Variants in RNGTT observed in about 807,000 individuals in gnomAD.
RNGTT encodes the protein mRNA-capping enzyme.
In RNGTT, 33 loss-of-function variants were observed where a neutral mutation model predicts 79.3. That is an observed-to-expected ratio of 0.42 (90% confidence interval 0.32 to 0.56). RNGTT has a LOEUF of 0.56. RNGTT is among the 20% of genes least tolerant of loss of function. The pLI, the probability that RNGTT is intolerant of heterozygous loss-of-function variation, is 0.17. For synonymous variants in RNGTT, 222 were observed against 235.9 expected, an observed-to-expected ratio of 0.94 and a Z score of 0.54; for missense variants, 497 against 739.1, an observed-to-expected ratio of 0.67 and a Z score of 3.80.
At chr6:88,615,411 C>T (rs578081187) in intron 14 of RNGTT, among the ~76,000 whole-genome samples, 5 of 152,260 alleles carry the variant, frequency 3.3e-5, no homozygotes, top group African/African-American at 9.6e-5. Context: ...AACTATATTC[C>T]TTTCCCTTTA....
At chr6:88,656,569 C>T (rs551134860) in intron 14 of RNGTT, among the ~76,000 whole-genome samples, 155 of 152,114 alleles carry the variant, frequency 1.0e-3, no homozygotes, top group African/African-American at 3.5e-3. Context: ...TCCTTGAATG[C>T]ACTCCAGTGG....
At chr6:88,699,457 A>G (rs1775870262) in intron 13 of RNGTT, among the ~76,000 whole-genome samples, 1 of 152,156 alleles carries the variant, frequency 6.6e-6, no homozygotes, top group African/African-American at 2.4e-5. Context: ...GGCTGAATTA[A>G]GAAGATTGCT....
intron 8 of RNGTT, among the ~76,000 whole-genome samples, chr6:88,886,516 G>GT (rs1782868352): frequency 6.6e-6 from 1 of 152,156 alleles, no homozygotes; most frequent in Non-Finnish European, 1.5e-5. Context: ...GAGGAATCTG[G>GT]TTAAGGGCAC....
chr6:88,768,950 A>C (rs1353412402), intron 13 of RNGTT, among the ~76,000 whole-genome samples: 1 of 152,230 alleles, frequency 6.6e-6, no homozygotes, highest in African/African-American at 2.4e-5. Flanking sequence ...CTTACCCTAC[A>C]AAAGTATAGA....
intron 13 of RNGTT, among the ~76,000 whole-genome samples, chr6:88,722,915 G>T (rs908835888): frequency 5.9e-5 from 9 of 151,994 alleles, no homozygotes; most frequent in Admixed American, 4.6e-4. Flanking sequence ...AAACCTACTG[G>T]GCTGCCAGCT....
intron 14 of RNGTT, among the ~76,000 whole-genome samples, chr6:88,644,174 C>G (rs907647367): frequency 2.0e-5 from 3 of 152,154 alleles, no homozygotes. Context: ...GGGGATATCA[C>G]CACCGATCCC....
intron 13 of RNGTT, among the ~76,000 whole-genome samples, chr6:88,714,857 T>A (rs56054675): frequency 0.12 from 18,003 of 152,106 alleles, 1,182 homozygotes; most frequent in Middle Eastern, 0.23. Flanking sequence ...ACAGCCAATA[T>A]CATACTGAAT....
At chr6:88,783,233 T>C (rs1779121580) in intron 12 of RNGTT, among the ~76,000 whole-genome samples, 1 of 152,202 alleles carries the variant, frequency 6.6e-6, no homozygotes, top group Non-Finnish European at 1.5e-5. Context: ...AAGTAATTTA[T>C]GCCATTTGTG....
intron 13 of RNGTT, chr6:88,714,442 CTTT>C (rs769098675): frequency 5.8e-5 from 7 of 120,800 alleles, no homozygotes; most frequent in South Asian, 2.5e-4. Context: ...AGTAAAAGTA[CTTT>C]TTTTTTTTTT....
chr6:88,841,608 G>T (rs1781291339), intron 11 of RNGTT, among the ~76,000 whole-genome samples: 1 of 152,118 alleles, frequency 6.6e-6, no homozygotes, highest in African/African-American at 2.4e-5. Context: ...TAAAACACTG[G>T]TTTAGAAAAT....
At chr6:88,762,568 A>C (rs2127837198) in intron 13 of RNGTT, among the ~76,000 whole-genome samples, 1 of 152,322 alleles carries the variant, frequency 6.6e-6, no homozygotes, top group Non-Finnish European at 1.5e-5. Flanking sequence ...CTATCAGAAG[A>C]CATCTGCCTT....
At chr6:88,733,300 G>A (rs1777174161) in intron 13 of RNGTT, among the ~76,000 whole-genome samples, 1 of 152,012 alleles carries the variant, frequency 6.6e-6, no homozygotes. Flanking sequence ...GGAGGTTGAG[G>A]CTGCAGTGAA....
chr6:88,918,398 C>A (rs1784064062), intron 4 of RNGTT, among the ~76,000 whole-genome samples: 2 of 151,794 alleles, frequency 1.3e-5, no homozygotes, highest in African/African-American at 2.4e-5. Context: ...AAAATGGATT[C>A]AAGTATAGAT....
chr6:88,824,366 T>C (rs142277989), intron 11 of RNGTT, among the ~76,000 whole-genome samples: 46 of 152,280 alleles, frequency 3.0e-4, no homozygotes, highest in Non-Finnish European at 5.7e-4. Flanking sequence ...GTATAAAAGA[T>C]AAAAAATGGT....
intron 6 of RNGTT, among the ~76,000 whole-genome samples, chr6:88,901,427 A>T (rs900657976): frequency 1.3e-5 from 2 of 151,710 alleles, no homozygotes; most frequent in Non-Finnish European, 2.9e-5. Context: ...CTAACTTCTC[A>T]ACAGAAATAA....
intron 13 of RNGTT, among the ~76,000 whole-genome samples, chr6:88,696,091 G>GAC (rs1480080597): frequency 6.6e-6 from 1 of 152,146 alleles, no homozygotes; most frequent in Non-Finnish European, 1.5e-5. Flanking sequence ...ACAGCATAAT[G>GAC]ACTACAGTTA....
chr6:88,612,545 G>C lies in RNGTT; in HGVS notation c.*174C>G. The C allele has an allele frequency of 1.5e-6, 1 of 646,304 alleles. No individual in the cohort carries two copies. The highest frequency in any genetic ancestry group is 2.7e-6 in the Non-Finnish European group (1 of 368,492). The allele number at this position is 646,304 out of a possible 1,614,324, so 40.0% of individuals were successfully genotyped here. A position where few individuals can be genotyped will look rare whatever the true frequency, so the allele number is the denominator to read the frequency against. Reference sequence around the variant, plus strand: ...CGATGTATTGCAGCACTGAGGAAACGAATGCATCAAGTATTTACAGGCTGG... The same window carrying C: ...CGATGTATTGCAGCACTGAGGAAACCAATGCATCAAGTATTTACAGGCTGG... On this transcript the variant is annotated 3_prime_UTR_variant, in exon 16 of 16. Transcript: ENST00000369485.
At chr6:88,707,743 G>T (rs1316256401) in intron 13 of RNGTT, among the ~76,000 whole-genome samples, 1 of 126,074 alleles carries the variant, frequency 7.9e-6, no homozygotes, top group Non-Finnish European at 1.7e-5. Flanking sequence ...AAAAAAAAAG[G>T]CAAACTGTAA....
At chr6:88,785,409 A>C (rs1359865738) in intron 12 of RNGTT, among the ~76,000 whole-genome samples, 2 of 152,136 alleles carry the variant, frequency 1.3e-5, no homozygotes, top group Non-Finnish European at 2.9e-5. Flanking sequence ...TTATTTTAAA[A>C]ACTTGAAAAT....
Sources: gnomAD v4.1 joint callset for allele counts (sites outside exome capture counted in the v4.1 genomes callset) on GRCh38, gnomAD v4.1.1 for gene constraint, MANE v1.5 for transcripts, NCBI Gene and HGNC (gene_info 2026-07-23, HGNC 2026-07-21) for gene names.